FBXL20: variants seen among roughly 807,000 people sequenced by gnomAD.
FBXL20 encodes the protein F-box and leucine rich repeat protein 20.
FBXL20 carries 11 observed loss-of-function variants against 64.0 expected under a neutral mutation model. The ratio of observed to expected loss-of-function variants is 0.17; its 90% CI spans 0.11 to 0.28. The LOEUF is 0.28. FBXL20 is among the 10% of genes least tolerant of loss of function. The pLI is 1.00. For missense variants in FBXL20, 303 were observed against 526.2 expected (o/e 0.58, Z 4.15); for synonymous variants, 184 against 189.0 (o/e 0.97, Z 0.22).
intron 5 of FBXL20, among the ~76,000 whole-genome samples, chr17:39,298,555 T>TA: frequency 6.6e-6 from 1 of 152,112 alleles, no homozygotes; most frequent in African/African-American, 2.4e-5. Flanking sequence ...CCTGACTCTA[T>TA]AAAAAAATTT....
rs2046679870 is a variant in FBXL20, at chr17:39,254,762, A to C, written c.*6698T>G. 1 of 154,484 alleles carries C rather than the reference A, an allele frequency of 6.5e-6. No individual in the cohort carries two copies. The highest frequency in any genetic ancestry group is 1.5e-5 in the Non-Finnish European group (1 of 68,210). The allele number at this position is 154,484 out of a possible 1,614,324, so 9.6% of individuals were successfully genotyped here. A position where few individuals can be genotyped will look rare whatever the true frequency, so the allele number is the denominator to read the frequency against. On this transcript the variant is annotated 3_prime_UTR_variant, in exon 15 of 15. Transcript: ENST00000264658. The stretch of plus-strand genomic sequence containing the variant: ...TAGAGCTAATTATCTGCTTTATTTG[A>C]AACTTGTCTATCATTTTACCATGCC...
chr17:39,359,059 C>T (rs1418882043), intron 1 of FBXL20, among the ~76,000 whole-genome samples: 3 of 152,158 alleles, frequency 2.0e-5, no homozygotes, highest in East Asian at 1.9e-4. Flanking sequence ...TCTGGCAAGG[C>T]GCAGTGGCTC....
intron 1 of FBXL20, among the ~76,000 whole-genome samples, chr17:39,388,550 C>T (rs1273220765): frequency 2.0e-5 from 3 of 148,638 alleles, no homozygotes; most frequent in Non-Finnish European, 4.4e-5. Flanking sequence ...ATGGCGTAAT[C>T]TCAGCTCATT....
intron 1 of FBXL20, among the ~76,000 whole-genome samples, chr17:39,364,078 C>T (rs968390937): frequency 2.0e-5 from 3 of 151,536 alleles, no homozygotes; most frequent in Non-Finnish European, 2.9e-5. Context: ...TTAGTACAGA[C>T]GGGGTTTCAC....
intron 2 of FBXL20, among the ~76,000 whole-genome samples, chr17:39,316,906 T>C (rs2047298311): frequency 6.6e-6 from 1 of 152,190 alleles, no homozygotes; most frequent in South Asian, 2.1e-4. Flanking sequence ...TGAGAAGCAC[T>C]TGAACCTGGG....
intron 12 of FBXL20, 88 bp downstream of exon 12, chr17:39,268,739 A>G: frequency 5.3e-6 from 6 of 1,139,788 alleles, no homozygotes; most frequent in East Asian, 2.4e-5. Flanking sequence ...AGTATCCTAC[A>G]CTAGGGTAGG....
intron 12 of FBXL20, among the ~76,000 whole-genome samples, chr17:39,268,035 T>C (rs957342584): frequency 1.3e-5 from 2 of 152,202 alleles, no homozygotes; most frequent in African/African-American, 2.4e-5. Context: ...TTCGAAGTTT[T>C]TCCTTGGTCA....
intron 1 of FBXL20, among the ~76,000 whole-genome samples, chr17:39,390,688 C>T (rs2048125764): frequency 6.6e-6 from 1 of 152,190 alleles, no homozygotes; most frequent in Non-Finnish European, 1.5e-5. Flanking sequence ...GATGTCACCA[C>T]TGCATTCCAA....
rs2046686419 is a variant in FBXL20, at chr17:39,255,410, C to T, written c.*6050G>A. ...CGAGATCACGCCACTGCACTCCAGC[C>T]TGGGAAACAGAGCGAGACTCTGTCT... On this transcript the variant is annotated 3_prime_UTR_variant, in exon 15 of 15. Coordinates refer to ENST00000264658, the MANE Select transcript of FBXL20 (RefSeq NM_032875.3). The T allele has an allele frequency of 6.6e-6, 1 of 152,016 alleles. No homozygotes were observed. Among genetic ancestry groups the T allele is most frequent in the Admixed American group, 6.6e-5 (1 of 15,244 alleles). 9.4% of individuals were successfully genotyped at this position (152,016 alleles called of 1,614,324 possible).
At chr17:39,361,223 T>A (rs753792598) in intron 1 of FBXL20, among the ~76,000 whole-genome samples, 1 of 150,832 alleles carries the variant, frequency 6.6e-6, no homozygotes, top group Non-Finnish European at 1.5e-5. Flanking sequence ...GAAGAAGGAG[T>A]TGGAGGATCA....
intron 1 of FBXL20, among the ~76,000 whole-genome samples, chr17:39,373,466 C>G (rs1246192710): frequency 6.6e-6 from 1 of 152,124 alleles, no homozygotes; most frequent in Non-Finnish European, 1.5e-5. Context: ...TTAACAGATA[C>G]AATTTGGCTC....
chr17:39,357,755 A>G (rs2047756358), intron 1 of FBXL20, among the ~76,000 whole-genome samples: 2 of 152,092 alleles, frequency 1.3e-5, no homozygotes, highest in South Asian at 4.1e-4. Flanking sequence ...ACATTTACTT[A>G]TTGTCGTTCA....
chr17:39,356,936 T>C (rs1296083229), intron 1 of FBXL20, among the ~76,000 whole-genome samples: 4 of 149,592 alleles, frequency 2.7e-5, no homozygotes, highest in Non-Finnish European at 5.9e-5. Context: ...AGTGCTGGGA[T>C]TACAGGCATG....
intron 1 of FBXL20, among the ~76,000 whole-genome samples, chr17:39,385,381 G>C (rs558831396): frequency 6.6e-6 from 1 of 152,252 alleles, no homozygotes; most frequent in Non-Finnish European, 1.5e-5. Flanking sequence ...GGAGAAGAAA[G>C]ACTTACTTTT....
chr17:39,316,707 TG>T (rs2047295704), intron 2 of FBXL20, among the ~76,000 whole-genome samples: 1 of 152,220 alleles, frequency 6.6e-6, no homozygotes, highest in Non-Finnish European at 1.5e-5. Flanking sequence ...ATGGGACGGC[TG>T]GGCACGGTGG....
intron 2 of FBXL20, among the ~76,000 whole-genome samples, chr17:39,329,370 C>T (rs369368662): frequency 1.3e-5 from 2 of 152,078 alleles, no homozygotes; most frequent in East Asian, 1.9e-4. Context: ...AAAATTGTTG[C>T]AGATTAAATA....
At chr17:39,283,646 T>C (rs1035639922) in intron 7 of FBXL20, among the ~76,000 whole-genome samples, 3 of 152,070 alleles carry the variant, frequency 2.0e-5, no homozygotes, top group East Asian at 3.8e-4. Context: ...TTTTAAACTT[T>C]TATTTTAAAA....
At chr17:39,281,360 A>C in intron 9 of FBXL20, 29 bp downstream of exon 9, 1 of 1,601,762 alleles carries the variant, frequency 6.2e-7, no homozygotes, top group Non-Finnish European at 8.5e-7. Flanking sequence ...AATTACTAAA[A>C]CAGAAGAGTT....
rs938081512 is a variant in FBXL20 at position 39,313,627 on chromosome 17, A to C, written c.105-9988T>G. 2.0e-5 allele frequency among the ~76,000 whole-genome samples: 3 copies of C among 150,964 alleles called. No individual in the cohort carries two copies. The Admixed American group carries it at 2.0e-4, about 10-fold the overall frequency. On this transcript the variant is annotated intron_variant, in intron 2 of 14. Transcript: ENST00000264658. The stretch of plus-strand genomic sequence containing the variant: ...AGCAATTATTTTTTTCCCTCATAAC[A>C]AACATTTATTTATTTTTACTTTTTT...
Sources: gnomAD v4.1 joint callset for allele counts (sites outside exome capture counted in the v4.1 genomes callset) on GRCh38, gnomAD v4.1.1 for gene constraint, MANE v1.5 for transcripts, NCBI Gene and HGNC (gene_info 2026-07-23, HGNC 2026-07-21) for gene names.